The following CDH8 variants were observed in gnomAD, a reference collection of about 807,000 sequenced individuals.
The protein encoded by CDH8 is cadherin-8.
A neutral mutation model predicts 68.1 loss-of-function variants in CDH8; 17 were observed. The observed-to-expected ratio is 0.25, with a 90% CI of 0.17 to 0.37. CDH8 has a LOEUF of 0.37. CDH8 is among the 10% of genes least tolerant of loss of function. CDH8 has a pLI of 1.00. For missense variants in CDH8, 763 were observed against 999.3 expected, an observed-to-expected ratio of 0.76 and a Z score of 3.19; for synonymous variants, 372 against 365.1, an observed-to-expected ratio of 1.02 and a Z score of -0.21.
intron 7 of CDH8, among the ~76,000 whole-genome samples, chr16:61,803,553 T>A (rs1231132566): frequency 6.6e-6 from 1 of 152,068 alleles, no homozygotes; most frequent in Admixed American, 6.6e-5. Flanking sequence ...CCCATCAGTG[T>A]GCTGTATTCA....
chr16:61,797,475 C>T (rs964931488), intron 7 of CDH8, among the ~76,000 whole-genome samples: 1 of 152,074 alleles, frequency 6.6e-6, no homozygotes, highest in African/African-American at 2.4e-5. Context: ...TTGTGCGAAA[C>T]AGCTGATGAT....
chr16:61,732,125 C>T (rs1249579650), intron 8 of CDH8, among the ~76,000 whole-genome samples: 1 of 151,206 alleles, frequency 6.6e-6, no homozygotes, highest in African/African-American at 2.4e-5. Flanking sequence ...AAATATGGGA[C>T]ACCATTAAGT....
chr16:61,993,687 AACT>A (rs1486989247), intron 2 of CDH8, among the ~76,000 whole-genome samples: 1 of 152,190 alleles, frequency 6.6e-6, no homozygotes, highest in Non-Finnish European at 1.5e-5. Flanking sequence ...TTCCAGAAGC[AACT>A]ACTGTTATCA....
intron 10 of CDH8, among the ~76,000 whole-genome samples, chr16:61,675,838 A>G (rs1397608530): frequency 6.6e-6 from 1 of 151,286 alleles, no homozygotes; most frequent in Non-Finnish European, 1.5e-5. Flanking sequence ...TTGAAGTTAA[A>G]GTTTGATAAG....
chr16:61,844,128 G>T (rs1400839451), intron 4 of CDH8, among the ~76,000 whole-genome samples: 4 of 151,904 alleles, frequency 2.6e-5, no homozygotes, highest in Non-Finnish European at 4.4e-5. Context: ...CCTTTGTAGG[G>T]ACATGGATGA....
At position 61,671,807 on chromosome 16, in the gene CDH8, T is replaced by C. The variant is rs189914650; in HGVS notation, c.1655-16086A>G. Among the ~76,000 whole-genome samples, 544 of 152,196 alleles carry C rather than the reference T, an allele frequency of 3.6e-3. 3 individuals are homozygous for C. The highest frequency in any genetic ancestry group is 0.02 in the Middle Eastern group (6 of 294). On this transcript the variant is annotated intron_variant, in intron 10 of 11. Coordinates refer to ENST00000577390, the MANE Select transcript of CDH8 (RefSeq NM_001796.5). ...ACTTTACATTAAGGTCAAACTGATT[T>C]ACTTTCCCTCAAATTCACCCACATA...
At chr16:61,940,681 G>T (rs188780641) in intron 2 of CDH8, 2 of 152,418 alleles carry the variant, frequency 1.3e-5, no homozygotes, top group South Asian at 4.1e-4. Flanking sequence ...GATTACAGGC[G>T]TGAGCCACTG....
intron 10 of CDH8, among the ~76,000 whole-genome samples, chr16:61,656,329 TATCTC>T (rs527710016): frequency 1.3e-3 from 199 of 152,348 alleles, no homozygotes; most frequent in Non-Finnish European, 2.3e-3. Context: ...AGACATATAT[TATCTC>T]ATCTCCATAT....
At chr16:61,959,984 GTA>G (rs1181394965) in intron 2 of CDH8, among the ~76,000 whole-genome samples, 2,262 of 44,520 alleles carry the variant, frequency 0.051, 170 homozygotes, top group Non-Finnish European at 0.067. Flanking sequence ...GTGTGTGTGT[GTA>G]TATATATATA....
At chr16:61,942,401 A>G (rs1964738516) in intron 2 of CDH8, among the ~76,000 whole-genome samples, 4 of 152,120 alleles carry the variant, frequency 2.6e-5, no homozygotes, top group African/African-American at 7.2e-5. Context: ...GAAGGCTGAG[A>G]TGGGAGAATT....
In CDH8 at chr16:61,652,997, G is replaced by A; in HGVS notation, c.*611C>T. 6.8e-7 allele frequency: 1 copy of A among 1,464,112 alleles called. No homozygotes were observed. 90.7% of individuals were successfully genotyped at this position (1,464,112 alleles called of 1,614,324 possible). On this transcript the variant is annotated 3_prime_UTR_variant, in exon 12 of 12. Transcript: ENST00000577390. ...ATTACGAACATGTGAATATTTTAAG[G>A]CTCGACACAATATTTAAAGATGCTA...
intron 10 of CDH8, among the ~76,000 whole-genome samples, chr16:61,658,554 C>T (rs923553605): frequency 1.3e-5 from 2 of 151,932 alleles, no homozygotes; most frequent in Admixed American, 6.6e-5. Context: ...TTTTATGCAT[C>T]CTCATTCTTT....
intron 10 of CDH8, chr16:61,667,881 A>C (rs1045223157): frequency 2.0e-5 from 3 of 152,084 alleles, no homozygotes; most frequent in Admixed American, 2.0e-4. Flanking sequence ...CTGGAGGCTA[A>C]AAATTACAAC....
At chr16:62,004,899 A>C (rs2150599466) in intron 2 of CDH8, among the ~76,000 whole-genome samples, 1 of 152,342 alleles carries the variant, frequency 6.6e-6, no homozygotes, top group South Asian at 2.1e-4. Flanking sequence ...TGACCCTTTT[A>C]TAAAATTTAA....
At chr16:61,860,832 A>T (rs1280921925) in intron 3 of CDH8, among the ~76,000 whole-genome samples, 1 of 152,112 alleles carries the variant, frequency 6.6e-6, no homozygotes, top group Admixed American at 6.5e-5. Flanking sequence ...ACATATCCAA[A>T]TATTTTCTGA....
chr16:62,033,783 A>G (rs1353899729), intron 1 of CDH8, among the ~76,000 whole-genome samples: 1 of 151,978 alleles, frequency 6.6e-6, no homozygotes, highest in African/African-American at 2.4e-5. Context: ...GCTCTGAATG[A>G]AGCAGTCCCC....
At position 61,918,975 on chromosome 16, in the gene CDH8, C is replaced by G. The variant is rs201155567; in HGVS notation, c.253-17502G>C. Among the ~76,000 whole-genome samples the G allele has an allele frequency of 5.1e-3, 746 of 145,040 alleles. 56 individuals are homozygous for G. Among genetic ancestry groups the G allele is most frequent in the South Asian group, 9.0e-3 (40 of 4,426 alleles). ...AGCACGCAGCTGGAGATCTGAGAACCGGCAGACTGCCTCTTCAAGTGGGTC... is the reference window on the plus strand; with the variant it reads ...AGCACGCAGCTGGAGATCTGAGAACGGGCAGACTGCCTCTTCAAGTGGGTC... On this transcript the variant is annotated intron_variant, in intron 2 of 11. Coordinates refer to ENST00000577390, the MANE Select transcript of CDH8 (RefSeq NM_001796.5).
At chr16:61,986,700 G>A (rs1965634851) in intron 2 of CDH8, among the ~76,000 whole-genome samples, 1 of 152,144 alleles carries the variant, frequency 6.6e-6, no homozygotes, top group African/African-American at 2.4e-5. Context: ...ACTGTATGAA[G>A]GTAGATTAGA....
intron 2 of CDH8, among the ~76,000 whole-genome samples, chr16:62,011,910 G>A (rs1041529927): frequency 1.2e-4 from 18 of 152,192 alleles, no homozygotes; most frequent in African/African-American, 4.3e-4. Flanking sequence ...TCTTAACTGA[G>A]TATTCCGATT....
Sources: allele counts gnomAD v4.1 joint callset (sites outside exome capture counted in the v4.1 genomes callset), GRCh38; gene constraint gnomAD v4.1.1; transcripts MANE v1.5; gene names NCBI Gene and HGNC (gene_info 2026-07-23, HGNC 2026-07-21).